The following UMAD1 variants were observed in gnomAD, a reference collection of about 807,000 sequenced individuals.
UMAD1 encodes UBAP1-MVB12-associated (UMA)-domain containing protein 1.
In UMAD1, 8 loss-of-function variants were observed where a neutral mutation model predicts 6.1. The ratio of observed to expected loss-of-function variants is 1.30; its 90% CI spans 0.76 to 2.35. UMAD1 has a LOEUF of 2.35. Among genes scored for constraint, UMAD1 ranks in the 30% most tolerant of loss-of-function variants. UMAD1 has a pLI of 0.00. For missense variants in UMAD1, 130 were observed against 78.4 expected, an observed-to-expected ratio of 1.66 and a Z score of -2.49; for synonymous variants, 56 against 31.4, an observed-to-expected ratio of 1.78 and a Z score of -2.61.
chr7:7,806,754 A>G (rs956662553), intron 3 of UMAD1, among the ~76,000 whole-genome samples: 2 of 152,200 alleles, frequency 1.3e-5, no homozygotes, highest in Non-Finnish European at 2.9e-5. Context: ...ATATATATAT[A>G]CATCTGATTA....
chr7:7,675,634 T>C (rs986429238), intron 2 of UMAD1, among the ~76,000 whole-genome samples: 3 of 152,290 alleles, frequency 2.0e-5, no homozygotes, highest in South Asian at 2.1e-4. Context: ...ACCTAATTAC[T>C]CTAATATGCT....
chr7:7,858,789 C>T (rs1784065103), intron 3 of UMAD1, among the ~76,000 whole-genome samples: 1 of 152,192 alleles, frequency 6.6e-6, no homozygotes, highest in Non-Finnish European at 1.5e-5. Context: ...ACGGATTATG[C>T]TCACACTTTC....
chr7:7,870,475 T>C (rs1175857240), intron 3 of UMAD1, among the ~76,000 whole-genome samples: 1 of 152,178 alleles, frequency 6.6e-6, no homozygotes, highest in African/African-American at 2.4e-5. Flanking sequence ...TCTTGCTCTA[T>C]TGTGGTTAAC....
chr7:7,678,125 A>G (rs1779794672), intron 2 of UMAD1, among the ~76,000 whole-genome samples: 1 of 99,344 alleles, frequency 1.0e-5, no homozygotes, highest in African/African-American at 4.4e-5. Context: ...GCTGTATCAT[A>G]TAGTAGTTCT....
intron 2 of UMAD1, chr7:7,742,440 T>C (rs1781490699): frequency 1.8e-6 from 1 of 547,650 alleles, no homozygotes; most frequent in Non-Finnish European, 3.6e-6. Context: ...ATCTTTCTTT[T>C]TTTCTTTTTC....
At chr7:7,763,599 G>C (rs113177355) in intron 2 of UMAD1, among the ~76,000 whole-genome samples, 9,194 of 152,238 alleles carry the variant, frequency 0.06, 377 homozygotes, top group Non-Finnish European at 0.083. Flanking sequence ...AATTTAGGCC[G>C]GGCGTGGTGG....
At chr7:7,645,220 A>G (rs1251643884) in intron 1 of UMAD1, among the ~76,000 whole-genome samples, 2 of 152,072 alleles carry the variant, frequency 1.3e-5, no homozygotes, top group African/African-American at 4.8e-5. Context: ...TATCTTTCTT[A>G]CCTTTTGCCT....
intron 3 of UMAD1, among the ~76,000 whole-genome samples, chr7:7,843,192 T>C (rs966083586): frequency 6.6e-6 from 1 of 152,236 alleles, no homozygotes; most frequent in Non-Finnish European, 1.5e-5. Context: ...TTTTTAAAGT[T>C]GAGCATTTGA....
chr7:7,798,837 C>G (rs1000567340), intron 2 of UMAD1, among the ~76,000 whole-genome samples: 3 of 152,192 alleles, frequency 2.0e-5, no homozygotes, highest in African/African-American at 7.2e-5. Context: ...TTAGGTTTCA[C>G]TCTCCTGTAA....
At chr7:7,857,551 G>A (rs906724054) in intron 3 of UMAD1, among the ~76,000 whole-genome samples, 26 of 152,142 alleles carry the variant, frequency 1.7e-4, no homozygotes, top group African/African-American at 4.8e-4. Flanking sequence ...AGGAAGAGTC[G>A]TCCTCATGAA....
chr7:7,648,698 A>G (rs1025385190), intron 1 of UMAD1, among the ~76,000 whole-genome samples: 2 of 151,944 alleles, frequency 1.3e-5, no homozygotes, highest in African/African-American at 4.8e-5. Context: ...AAAAAATACA[A>G]AAATTAGCTG....
chr7:7,823,135 C>G (rs554135442), intron 3 of UMAD1, among the ~76,000 whole-genome samples: 1 of 152,038 alleles, frequency 6.6e-6, no homozygotes, highest in African/African-American at 2.4e-5. Flanking sequence ...TATAATTAGT[C>G]ATTTAAGCTC....
At chr7:7,789,617 T>TCCCC (rs201727587) in intron 2 of UMAD1, among the ~76,000 whole-genome samples, 19 of 101,124 alleles carry the variant, frequency 1.9e-4, no homozygotes, top group African/African-American at 6.7e-4. Context: ...AAATACCCCT[T>TCCCC]CTCCCCTCCC....
At chr7:7,689,900 G>A (rs1056400917) in intron 2 of UMAD1, among the ~76,000 whole-genome samples, 4 of 152,162 alleles carry the variant, frequency 2.6e-5, no homozygotes, top group African/African-American at 9.7e-5. Flanking sequence ...ATAGTAATTG[G>A]TGATCAGGAA....
At chr7:7,747,296 T>G (rs1490576812) in intron 2 of UMAD1, among the ~76,000 whole-genome samples, 1 of 152,216 alleles carries the variant, frequency 6.6e-6, no homozygotes, top group African/African-American at 2.4e-5. Context: ...ATCAGTATTA[T>G]TCTTGCAACT....
chr7:7,738,385 T>C (rs1781401938), intron 2 of UMAD1: 1 of 152,208 alleles, frequency 6.6e-6, no homozygotes, highest in Non-Finnish European at 1.5e-5. Flanking sequence ...TTGGATAACT[T>C]GCTGCGGTAT....
At chr7:7,817,236 C>G (rs1044722093) in intron 3 of UMAD1, among the ~76,000 whole-genome samples, 2 of 152,194 alleles carry the variant, frequency 1.3e-5, no homozygotes, top group African/African-American at 4.8e-5. Flanking sequence ...TTAGTCTCCC[C>G]TCTGGTCCCT....
At chr7:7,874,560 T>C (rs1239091227) in intron 3 of UMAD1, among the ~76,000 whole-genome samples, 2 of 152,116 alleles carry the variant, frequency 1.3e-5, no homozygotes, top group Non-Finnish European at 2.9e-5. Flanking sequence ...CTCACGCCTG[T>C]AATCCCAGCA....
chr7:7,671,042 G>A (rs576834694), intron 1 of UMAD1, among the ~76,000 whole-genome samples: 1 of 152,280 alleles, frequency 6.6e-6, no homozygotes, highest in South Asian at 2.1e-4. Flanking sequence ...CTTGGGGGCT[G>A]AACAGTTTTC....
Sources: allele counts gnomAD v4.1 joint callset (sites outside exome capture counted in the v4.1 genomes callset), GRCh38; gene constraint gnomAD v4.1.1; transcripts MANE v1.5; gene names NCBI Gene and HGNC (gene_info 2026-07-23, HGNC 2026-07-21).